The following ARK2C variants were observed in gnomAD, a reference collection of about 807,000 sequenced individuals.
ARK2C encodes the protein arkadia (RNF111) C-terminal like ring finger ubiquitin ligase 2C.
chr18:46,397,065 G>T, the ARK2C span, among the ~76,000 whole-genome samples: 15 of 152,338 alleles, frequency 9.8e-5, no homozygotes, highest in Non-Finnish European at 2.1e-4. Flanking sequence ...CTTCTGTCAG[G>T]AGTCCGTGAG....
the ARK2C span, chr18:46,450,494 A>C: frequency 4.0e-6 from 4 of 995,828 alleles, no homozygotes; most frequent in Non-Finnish European, 6.4e-6. Flanking sequence ...TGAGTAGGGT[A>C]TGGGTGTCAG....
At chr18:46,425,733 G>T in the ARK2C span, among the ~76,000 whole-genome samples, 1 of 152,152 alleles carries the variant, frequency 6.6e-6, no homozygotes, top group Non-Finnish European at 1.5e-5. Flanking sequence ...ACTGCACCCA[G>T]TGTGTCCTCT....
chr18:46,404,964 A>C, the ARK2C span, among the ~76,000 whole-genome samples: 1 of 152,166 alleles, frequency 6.6e-6, no homozygotes, highest in Non-Finnish European at 1.5e-5. Context: ...AGACATATTC[A>C]GCTCCGTTTG....
At chr18:46,347,804 T>C in the ARK2C span, among the ~76,000 whole-genome samples, 2 of 152,222 alleles carry the variant, frequency 1.3e-5, no homozygotes, top group East Asian at 3.9e-4. Flanking sequence ...TTCTTATCTG[T>C]AAAATGGGAA....
chr18:46,437,183 G>A, the ARK2C span, among the ~76,000 whole-genome samples: 5 of 152,122 alleles, frequency 3.3e-5, no homozygotes, highest in Admixed American at 2.6e-4. Context: ...CTAGAGGCCC[G>A]CCTGGTCCAC....
the ARK2C span, among the ~76,000 whole-genome samples, chr18:46,426,532 C>A: frequency 6.6e-6 from 1 of 152,192 alleles, no homozygotes; most frequent in African/African-American, 2.4e-5. Context: ...CCCAGCTGTG[C>A]AGGGCTATCC....
the ARK2C span, chr18:46,456,616 C>G: frequency 1.9e-6 from 3 of 1,613,330 alleles, no homozygotes; most frequent in South Asian, 3.3e-5. Flanking sequence ...CATTGAGACA[C>G]AACTGGGAGC....
At chr18:46,368,770 T>G in the ARK2C span, among the ~76,000 whole-genome samples, 1 of 152,228 alleles carries the variant, frequency 6.6e-6, no homozygotes, top group Non-Finnish European at 1.5e-5. Flanking sequence ...AGCTCTGCCA[T>G]TCACTTGCTG....
At chr18:46,393,414 G>A in the ARK2C span, among the ~76,000 whole-genome samples, 1 of 152,192 alleles carries the variant, frequency 6.6e-6, no homozygotes, top group Non-Finnish European at 1.5e-5. Context: ...AGGCAGGCCT[G>A]AGGGCAGACG....
the ARK2C span, among the ~76,000 whole-genome samples, chr18:46,356,907 A>G: frequency 6.6e-6 from 1 of 152,182 alleles, no homozygotes; most frequent in African/African-American, 2.4e-5. Flanking sequence ...CTGGAACCAG[A>G]TGGAGCCCCG....
chr18:46,380,102 G>A, the ARK2C span, among the ~76,000 whole-genome samples: 1 of 152,242 alleles, frequency 6.6e-6, no homozygotes, highest in Admixed American at 6.5e-5. Context: ...CCCACCCAGT[G>A]GGGGTGGAGT....
At chr18:46,341,106 C>G in the ARK2C span, among the ~76,000 whole-genome samples, 1 of 152,186 alleles carries the variant, frequency 6.6e-6, no homozygotes, top group African/African-American at 2.4e-5. Context: ...TTGAATGGCT[C>G]TCCTCAGAGC....
chr18:46,451,670 T>A, the ARK2C span, among the ~76,000 whole-genome samples: 1 of 152,100 alleles, frequency 6.6e-6, no homozygotes, highest in East Asian at 1.9e-4. Flanking sequence ...AAGTTCATGG[T>A]GGTATGAACT....
At chr18:46,384,310 C>A in the ARK2C span, among the ~76,000 whole-genome samples, 2 of 152,222 alleles carry the variant, frequency 1.3e-5, no homozygotes, top group Non-Finnish European at 2.9e-5. Flanking sequence ...CCCGTAGTGT[C>A]CAGTCTTCCC....
chr18:46,409,695 C>T, the ARK2C span, among the ~76,000 whole-genome samples: 2 of 152,130 alleles, frequency 1.3e-5, no homozygotes, highest in Non-Finnish European at 2.9e-5. Context: ...CCACTCAGTC[C>T]TCACTCTGGG....
chr18:46,387,160 A>T, the ARK2C span: 1 of 152,296 alleles, frequency 6.6e-6, no homozygotes, highest in East Asian at 1.9e-4. Flanking sequence ...AGAGGGCTAC[A>T]GTCTGTCCAG....
chr18:46,357,088 T>C, the ARK2C span, among the ~76,000 whole-genome samples: 3 of 152,198 alleles, frequency 2.0e-5, no homozygotes, highest in Admixed American at 6.5e-5. Flanking sequence ...TCTGTATTCT[T>C]ATGTGTTTGC....
the ARK2C span, among the ~76,000 whole-genome samples, chr18:46,360,652 T>A: frequency 6.6e-6 from 1 of 152,156 alleles, no homozygotes; most frequent in South Asian, 2.1e-4. Flanking sequence ...ATCAGTCAGC[T>A]CTTCCCTGGG....
the ARK2C span, among the ~76,000 whole-genome samples, chr18:46,399,871 G>A: frequency 6.6e-6 from 1 of 152,194 alleles, no homozygotes; most frequent in Non-Finnish European, 1.5e-5. Flanking sequence ...CTAATTCCCT[G>A]AGGGTGGCCC....
Sources: gnomAD v4.1 joint callset for allele counts (sites outside exome capture counted in the v4.1 genomes callset) on GRCh38, gnomAD v4.1.1 for gene constraint, MANE v1.5 for transcripts, NCBI Gene and HGNC (gene_info 2026-07-23, HGNC 2026-07-21) for gene names.